The following MYH9 variants were observed in gnomAD, a reference collection of about 807,000 sequenced individuals.
The protein encoded by MYH9 is myosin heavy chain 9, also known as myosin-9.
A neutral mutation model predicts 241.9 loss-of-function variants in MYH9; 29 were observed. The observed-to-expected ratio is 0.12, with a 90% confidence interval of 0.09 to 0.16. MYH9 has a LOEUF of 0.16. MYH9 is among the 10% of genes least tolerant of loss of function. The pLI is 1.00. For synonymous variants in MYH9, 1,047 were observed against 1,062.6 expected, an observed-to-expected ratio of 0.99 and a Z score of 0.29; for missense variants, 1,803 against 2,595.5, an observed-to-expected ratio of 0.69 and a Z score of 6.63.
rs150728943 is a variant in MYH9, at chr22:36,284,116, G to A, written c.5742C>T (p.Val1914=). 33 of 1,614,204 alleles carry A rather than the reference G, an allele frequency of 2.0e-5. No homozygotes were observed. In the African/African-American group the frequency reaches 4.0e-4, roughly 20 times the overall value. ...ACCTGAGCTTGTTCTTTAGGGAGCT[G>A]ACTTCGCGGTTCATGGCATCGGCCG... The part of the protein sequence containing the change: ...TETADAMNRE[V]SSLKNKLRRG... Residue 1914 remains valine, a synonymous_variant, in exon 40 of 41, where the codon GTC becomes GTT. Coordinates refer to ENST00000216181, the MANE Select transcript of MYH9 (RefSeq NM_002473.6).
chr22:36,312,205 A>T lies in MYH9; in HGVS notation c.1572T>A (p.Ile524=), dbSNP rs965534536. ...LIEKPAGPPG[I]LALLDEECWF... is the part of the protein sequence containing the mutation. ...AGCACTCCTCGTCCAGCAGGGCCAG[A>T]ATGCCCGGGGGGCCTGCCTGGAGGA... Residue 524 remains isoleucine, a synonymous_variant, in exon 14 of 41, where the codon ATT becomes ATA. Transcript: ENST00000216181. 4 of 1,614,000 alleles carry T rather than the reference A, an allele frequency of 2.5e-6. No homozygotes were observed. The African/African-American group carries it at 4.0e-5, about 16-fold the overall frequency.
chr22:36,311,980 T>G, intron 14 of MYH9, 69 bp downstream of exon 14: 1 of 1,597,144 alleles, frequency 6.3e-7, no homozygotes, highest in South Asian at 1.1e-5. Flanking sequence ...CGGCTCCTGG[T>G]CCTAGAGAGC....
chr22:36,375,942 T>G (rs896527870), intron 1 of MYH9, among the ~76,000 whole-genome samples: 1 of 149,372 alleles, frequency 6.7e-6, no homozygotes, highest in Non-Finnish European at 1.5e-5. Context: ...TACATACAAG[T>G]GCTCAATAAT....
chr22:36,313,451 CAA>C (rs57101170), intron 13 of MYH9, among the ~76,000 whole-genome samples: 45 of 52,930 alleles, frequency 8.5e-4, no homozygotes, highest in Middle Eastern at 0.011. Flanking sequence ...GACTCCGTCT[CAA>C]AAAAAAAAAA....
chr22:36,301,460 T>C, intron 21 of MYH9, 74 bp downstream of exon 21: 1 of 1,595,884 alleles, frequency 6.3e-7, no homozygotes. Flanking sequence ...CAGCATGCCG[T>C]GCCTACCGAT....
chr22:36,306,758 G>T lies in MYH9; in HGVS notation c.1844-151C>A, dbSNP rs2016977796. 4.8e-6 allele frequency: 4 copies of T among 838,270 alleles called. No homozygotes were observed. Among genetic ancestry groups the T allele is most frequent in the Non-Finnish European group, 7.8e-6 (4 of 515,990 alleles). The allele number at this position is 838,270 out of a possible 1,614,324, so 51.9% of individuals were successfully genotyped here. ...CCCTTTCCAATTGGAGCCTACACTG[G>T]GTGCTAAGGTCATCCCCAAACACAG... On this transcript the variant is annotated intron_variant, in intron 15 of 40. Coordinates refer to ENST00000216181, the MANE Select transcript of MYH9 (RefSeq NM_002473.6). This position sits in a 1 kb window ranked among gnomAD's most constrained non-coding sequence, Gnocchi z 4.1.
intron 1 of MYH9, among the ~76,000 whole-genome samples, chr22:36,352,134 G>A (rs1603484116): frequency 6.6e-6 from 1 of 152,164 alleles, no homozygotes. Flanking sequence ...TTGTGCCTGG[G>A]GTCCCTCGGA....
At chr22:36,304,251 T>G in intron 18 of MYH9, 96 bp from the exon 19 acceptor site, 1 of 1,306,534 alleles carries the variant, frequency 7.7e-7, no homozygotes, top group Non-Finnish European at 1.1e-6. Context: ...CCCTTCACCC[T>G]TCTTCTCACT....
chr22:36,387,260 G>C (rs1032732434), intron 1 of MYH9, among the ~76,000 whole-genome samples: 1 of 152,204 alleles, frequency 6.6e-6, no homozygotes, highest in African/African-American at 2.4e-5. Context: ...GTCTGCAGCG[G>C]GACGGTCCGA....
intron 2 of MYH9, among the ~76,000 whole-genome samples, chr22:36,347,057 G>A (rs2017688079): frequency 6.6e-6 from 1 of 152,100 alleles, no homozygotes; most frequent in African/African-American, 2.4e-5. Flanking sequence ...TTCCCACTGG[G>A]GACAAAACCA....
chr22:36,299,988 A>G, intron 23 of MYH9, 139 bp downstream of exon 23: 1 of 1,227,632 alleles, frequency 8.1e-7, no homozygotes, highest in Non-Finnish European at 1.2e-6. Context: ...GAGCACTTGC[A>G]GTTAAGCAGA....
In MYH9 at chr22:36,320,492, A is replaced by T; in HGVS notation, c.869-129T>A. On this transcript the variant is annotated intron_variant, in intron 8 of 40. Coordinates refer to ENST00000216181, the MANE Select transcript of MYH9 (RefSeq NM_002473.6). This position sits in a 1 kb window ranked among gnomAD's most constrained non-coding sequence, Gnocchi z 4.8. ...CCCTGACGCACCCTGGAAACCGCAGAGTAGCCAGTGACGTTCAGCTTTCCT... is the reference window on the plus strand; with the variant it reads ...CCCTGACGCACCCTGGAAACCGCAGTGTAGCCAGTGACGTTCAGCTTTCCT... 8.2e-7 allele frequency: 1 copy of T among 1,215,396 alleles called. No homozygotes were observed. Among genetic ancestry groups the T allele is most frequent in the Non-Finnish European group, 1.2e-6 (1 of 840,568 alleles). 75.3% of individuals were successfully genotyped at this position (1,215,396 alleles called of 1,614,324 possible).
intron 1 of MYH9, among the ~76,000 whole-genome samples, chr22:36,385,091 G>A (rs1255324053): frequency 1.3e-5 from 2 of 152,034 alleles, no homozygotes; most frequent in South Asian, 4.1e-4. Flanking sequence ...TAATTACGAC[G>A]ACACACAGAT....
Position 36,306,100 on chromosome 22 carries a change from G to A in MYH9, c.2038-49C>T. 1 of 1,609,600 alleles carries A rather than the reference G, an allele frequency of 6.2e-7. No individual in the cohort carries two copies. Among genetic ancestry groups the A allele is most frequent in the Non-Finnish European group, 8.5e-7 (1 of 1,179,930 alleles). On this transcript the variant is annotated intron_variant, in intron 16 of 40. Coordinates refer to ENST00000216181, the MANE Select transcript of MYH9 (RefSeq NM_002473.6). This position sits in a 1 kb window ranked among gnomAD's most constrained non-coding sequence, Gnocchi z 4.1. ...CGGTCTCACTTCCGTGCCTAGAACA[G>A]TCGGAGAATAGTCAGGGAACCCCTA...
At chr22:36,286,657 C>T (rs1332173300) in intron 35 of MYH9, 61 bp downstream of exon 35, 3 of 1,604,226 alleles carry the variant, frequency 1.9e-6, no homozygotes, top group Non-Finnish European at 2.5e-6. Context: ...GCTGAAAGCC[C>T]CACGCTGCCA....
chr22:36,305,190 T>C lies in MYH9; in HGVS notation c.2160-88A>G. 8.6e-7 allele frequency: 1 copy of C among 1,157,736 alleles called. No homozygotes were observed. The highest frequency in any genetic ancestry group is 1.3e-6 in the Non-Finnish European group (1 of 770,820). 71.7% of individuals were successfully genotyped at this position (1,157,736 alleles called of 1,614,324 possible). On this transcript the variant is annotated intron_variant, in intron 17 of 40. Transcript: ENST00000216181. The surrounding 1 kb of genome is among the most constrained non-coding windows in gnomAD (Gnocchi z 4.7). ...ATAGGCGAGAGATTAACATCATTTC[T>C]ACAATGCAACAGACACAGAATTCTT...
chr22:36,290,532 C>G (rs1018794420), intron 31 of MYH9, among the ~76,000 whole-genome samples: 1 of 152,228 alleles, frequency 6.6e-6, no homozygotes, highest in Non-Finnish European at 1.5e-5. Context: ...CTTGGCCTCC[C>G]AAAATGCCAA....
chr22:36,387,092 G>T (rs967151918), intron 1 of MYH9, among the ~76,000 whole-genome samples: 1 of 152,230 alleles, frequency 6.6e-6, no homozygotes, highest in African/African-American at 2.4e-5. Context: ...CTGGAGCAGG[G>T]ACTGGGGGTG....
intron 1 of MYH9, among the ~76,000 whole-genome samples, chr22:36,359,863 G>A (rs2017910424): frequency 6.6e-6 from 1 of 152,172 alleles, no homozygotes; most frequent in Admixed American, 6.5e-5. Flanking sequence ...AGCCATGTGA[G>A]GTCCTGGTTC....
Sources: gnomAD v4.1 joint callset for allele counts (sites outside exome capture counted in the v4.1 genomes callset) on GRCh38, gnomAD v4.1.1 for gene constraint, Gnocchi (gnomAD v3.1) non-coding constraint, MANE v1.5 for transcripts, NCBI Gene and HGNC (gene_info 2026-07-23, HGNC 2026-07-21) for gene names.